DHX38: variants seen among roughly 807,000 people sequenced by gnomAD.
The protein encoded by DHX38 is pre-mRNA-splicing factor ATP-dependent RNA helicase PRP16.
A neutral mutation model predicts 153.1 loss-of-function variants in DHX38; 100 were observed. The ratio of observed to expected loss-of-function variants is 0.65; its 90% CI spans 0.56 to 0.77. The LOEUF is 0.77. Ranked by LOEUF, DHX38 falls within the 30% of genes least tolerant of loss-of-function variation. DHX38 has a pLI of 0.00. For synonymous variants in DHX38, 650 were observed against 631.7 expected, an observed-to-expected ratio of 1.03 and a Z score of -0.43; for missense variants, 1,440 against 1,654.0, an observed-to-expected ratio of 0.87 and a Z score of 2.24.
chr16:72,108,462 T>A lies in DHX38; in HGVS notation c.3121-11T>A, dbSNP rs765434671. 1 of 1,614,012 alleles carries A rather than the reference T, an allele frequency of 6.2e-7. No homozygotes were observed. ...AGGGCTCCCTCCTGGTGCCTCCGTC[T>A]CCTGCCCTAGGTCCGGGAGGTGCGA... On this transcript the variant is annotated splice_polypyrimidine_tract_variant and intron_variant, in intron 22 of 26. Transcript: ENST00000268482.
chr16:72,105,348 GGT>G lies in DHX38; in HGVS notation c.2379+5_2379+6del. On this transcript the variant is annotated splice_donor_variant, in intron 17 of 26. Transcript: ENST00000268482. LOFTEE classifies it high-confidence loss of function. ...ACCTCCAGGCCAAAATCTTCCAGAA[GGT>G]GTGTCAGCAGGAATGTCCAGGAGTG... The G allele has an allele frequency of 6.2e-7, 1 of 1,614,092 alleles. No individual in the cohort carries two copies. Among genetic ancestry groups the G allele is most frequent in the East Asian group, 2.2e-5 (1 of 44,888 alleles).
intron 1 of DHX38, among the ~76,000 whole-genome samples, chr16:72,094,650 C>G: frequency 6.6e-6 from 1 of 152,220 alleles, no homozygotes; most frequent in Non-Finnish European, 1.5e-5. Context: ...TTGTTCGTCT[C>G]AGCAGCTAAT....
At chr16:72,106,230 GC>G in intron 19 of DHX38, 113 bp downstream of exon 19, 1 of 946,642 alleles carries the variant, frequency 1.1e-6, no homozygotes, top group Non-Finnish European at 1.6e-6. Context: ...AAGGCTGGAA[GC>G]TGCTGGCAGG....
chr16:72,105,229 C>CA lies in DHX38; in HGVS notation c.2263-2dup, dbSNP rs1434412785. On this transcript the variant is annotated splice_region_variant and splice_polypyrimidine_tract_variant and intron_variant, in intron 16 of 26. Transcript: ENST00000268482. ...GTCTCACAGCTCCTCCCTGGGCTCT[C>CA]AGGTGACCTCAGACCAGATTGTGGA... 1.2e-6 allele frequency: 2 copies of CA among 1,613,972 alleles called. No individual in the cohort carries two copies. Among genetic ancestry groups the CA allele is most frequent in the African/African-American group, 2.7e-5 (2 of 74,928 alleles).
chr16:72,101,972 C>T (rs548931223), intron 11 of DHX38, among the ~76,000 whole-genome samples: 1 of 152,316 alleles, frequency 6.6e-6, no homozygotes, highest in South Asian at 2.1e-4. Flanking sequence ...CCCAGGTGTT[C>T]AGCATGGGCA....
chr16:72,100,947 G>A (rs2042091508), intron 9 of DHX38, 139 bp from the exon 10 acceptor site: 1 of 886,532 alleles, frequency 1.1e-6, no homozygotes, highest in South Asian at 1.6e-5. Context: ...AAGGCCTGAT[G>A]TGGAGACAGA....
In DHX38 at chr16:72,107,261, C is replaced by T. The variant is rs910446943; in HGVS notation, c.2601-79C>T. 6 of 1,418,720 alleles carry T rather than the reference C, an allele frequency of 4.2e-6. No individual in the cohort carries two copies. The highest frequency in any genetic ancestry group is 4.0e-5 in the South Asian group (3 of 74,264). 87.9% of individuals were successfully genotyped at this position (1,418,720 alleles called of 1,614,324 possible). A position where few individuals can be genotyped will look rare whatever the true frequency, so the allele number is the denominator to read the frequency against. On this transcript the variant is annotated intron_variant, in intron 19 of 26. Coordinates refer to ENST00000268482, the MANE Select transcript of DHX38 (RefSeq NM_014003.4). This position sits in a 1 kb window ranked among gnomAD's most constrained non-coding sequence, Gnocchi z 5.3. ...TGGGGAGAAGAAATGAGAATTTCCT[C>T]CCTCCCTGTGGGATTTCATCTGTAC...
In DHX38 at chr16:72,112,494, G is replaced by T. The variant is rs780747659; in HGVS notation, c.3681G>T (p.Leu1227=). 7.4e-6 allele frequency: 12 copies of T among 1,612,040 alleles called. No individual in the cohort carries two copies. Among genetic ancestry groups the T allele is most frequent in the Non-Finnish European group, 1.0e-5 (12 of 1,180,026 alleles). The change falls in exon 27 of 27, where the codon CTG becomes CTT. Residue 1227 remains leucine (L), a synonymous_variant. Coordinates refer to ENST00000268482, the MANE Select transcript of DHX38 (RefSeq NM_014003.4). ...GCCGCACGCCAGCCCGCTTTGGTCT[G>T]TGAGCTGAGGCTGTCCCCAGAGAGG... ...TPRRTPARFG[L]
At position 72,099,028 on chromosome 16, in the gene DHX38, G is replaced by A. The variant is rs143671341; in HGVS notation, c.866G>A (p.Arg289His). The A allele has an allele frequency of 5.2e-4, 834 of 1,612,794 alleles. 1 individual carries two copies. Among genetic ancestry groups the A allele is most frequent in the Non-Finnish European group, 6.3e-4 (744 of 1,180,032 alleles). ...DDRRHLGSTP[R>H]LSRGRGRREE... ...AGAAGACACTTGGGGTCCACCCCGC[G>A]TCTGTCCAGGGGCCGAGGTGAGGCC... Residue 289 changes from arginine (R) to histidine (H), a missense_variant, in exon 6 of 27, where the codon CGT (arginine) becomes CAT (histidine). Physicochemically the swap from Arg to His is conservative, Grantham distance 29 (BLOSUM62 0). Coordinates refer to ENST00000268482, the MANE Select transcript of DHX38 (RefSeq NM_014003.4).
rs767227558 is a variant in DHX38 at position 72,107,802 on chromosome 16, G to C, written c.2964+3G>C. On this transcript the variant is annotated splice_donor_region_variant and intron_variant, in intron 21 of 26. Coordinates refer to ENST00000268482, the MANE Select transcript of DHX38 (RefSeq NM_014003.4). The surrounding 1 kb of genome is among the most constrained non-coding windows in gnomAD (Gnocchi z 5.3). The stretch of plus-strand genomic sequence containing the variant: ...CAGCCATCTTCTACAGGCCCAAGGT[G>C]GGGCAGCGGCTGGCTCCCCTCTCCC... 7.4e-6 allele frequency: 12 copies of C among 1,612,428 alleles called. No individual in the cohort carries two copies. The South Asian group carries it at 9.9e-5, about 13-fold the overall frequency.
chr16:72,101,402 A>G lies in DHX38; in HGVS notation c.1387-98A>G. On this transcript the variant is annotated intron_variant, in intron 10 of 26. Transcript: ENST00000268482. Reference sequence around the variant, plus strand: ...TGCCACCAGCACTCTGGGGGAGTTTACCACCTGCGGGGTGAAGTCTGCTCT... The same window carrying G: ...TGCCACCAGCACTCTGGGGGAGTTTGCCACCTGCGGGGTGAAGTCTGCTCT... The G allele has an allele frequency of 3.1e-6, 4 of 1,301,202 alleles. No individual in the cohort carries two copies. The East Asian group carries it at 7.6e-5, about 25-fold the overall frequency. The allele number at this position is 1,301,202 out of a possible 1,614,324, so 80.6% of individuals were successfully genotyped here.
Position 72,099,836 on chromosome 16 carries a change from G to A in DHX38, c.1065G>A (p.Leu355=). The A allele has an allele frequency of 6.2e-7, 1 of 1,613,434 alleles. No homozygotes were observed. Among genetic ancestry groups the A allele is most frequent in the South Asian group, 1.1e-5 (1 of 90,928 alleles). The change falls in exon 8 of 27, where the codon CTG becomes CTA. Residue 355 remains leucine, a synonymous_variant. Coordinates refer to ENST00000268482, the MANE Select transcript of DHX38 (RefSeq NM_014003.4). ...EDYVRRREQH[L]HKQKQKRISA... The stretch of plus-strand genomic sequence containing the variant: ...ACGTGAGGAGGCGGGAGCAGCACCT[G>A]CATAAACAGAAGCAGAAGCGCATTT...
chr16:72,110,023 T>C (rs2042236964), intron 25 of DHX38, among the ~76,000 whole-genome samples: 1 of 152,258 alleles, frequency 6.6e-6, no homozygotes, highest in Non-Finnish European at 1.5e-5. Context: ...CCAGTCCGCA[T>C]TTGGATTTCT....
intron 8 of DHX38, 134 bp from the exon 9 acceptor site, chr16:72,100,302 G>A: frequency 8.2e-7 from 1 of 1,213,426 alleles, no homozygotes; most frequent in Non-Finnish European, 1.2e-6. Flanking sequence ...TTGGAGCTGT[G>A]GGTAGAGGCC....
rs373658487 is a variant in DHX38 at position 72,099,682 on chromosome 16, C to G, written c.961-50C>G. On this transcript the variant is annotated intron_variant, in intron 7 of 26. Coordinates refer to ENST00000268482, the MANE Select transcript of DHX38 (RefSeq NM_014003.4). ...CTTCTTCTGTTGGCCATGTCTCGTG[C>G]ATAAACTTGATCTGTCCCTCACTCC... 5.0e-6 allele frequency: 8 copies of G among 1,605,456 alleles called. No individual in the cohort carries two copies. In the African/African-American group the frequency reaches 1.1e-4, roughly 21 times the overall value.
chr16:72,096,529 G>GA (rs1321436105), intron 2 of DHX38, 49 bp downstream of exon 2: 1 of 1,518,678 alleles, frequency 6.6e-7, no homozygotes, highest in Admixed American at 2.2e-5. Context: ...ACGGAGGCTG[G>GA]AAAATAACAG....
rs761044065 is a variant in DHX38, at chr16:72,101,206, G to C, written c.1386+13G>C. 42 of 1,613,838 alleles carry C rather than the reference G, an allele frequency of 2.6e-5. No homozygotes were observed. In the South Asian group the frequency reaches 3.8e-4, roughly 15 times the overall value. ...GGAGCGCAAGAAGGTTGGTTTCTTG[G>C]TTTCGTGGCTGGGAAGTTTATGTGT... On this transcript the variant is annotated intron_variant, in intron 10 of 26. Transcript: ENST00000268482.
chr16:72,105,489 T>G lies in DHX38; in HGVS notation c.2380-28T>G, dbSNP rs775521663. 5 of 1,613,010 alleles carry G rather than the reference T, an allele frequency of 3.1e-6. No individual in the cohort carries two copies. In the South Asian group the frequency reaches 5.5e-5, roughly 18 times the overall value. The stretch of plus-strand genomic sequence containing the variant: ...GCCTTTCCTGTCTCGAGGGACTCAT[T>G]TTTCCCTTCCTGTATGTCCTGCTCT... On this transcript the variant is annotated intron_variant, in intron 17 of 26. Coordinates refer to ENST00000268482, the MANE Select transcript of DHX38 (RefSeq NM_014003.4).
intron 3 of DHX38, 33 bp downstream of exon 3, chr16:72,097,042 T>C (rs779189314): frequency 6.4e-7 from 1 of 1,567,096 alleles, no homozygotes; most frequent in Admixed American, 1.8e-5. Flanking sequence ...TATTGTCCAT[T>C]AGCATTCGAA....
Sources: gnomAD v4.1 joint callset for allele counts (sites outside exome capture counted in the v4.1 genomes callset) on GRCh38, gnomAD v4.1.1 for gene constraint, Gnocchi (gnomAD v3.1) non-coding constraint, MANE v1.5 for transcripts, NCBI Gene and HGNC (gene_info 2026-07-23, HGNC 2026-07-21) for gene names.